MAGI2: variants seen among roughly 807,000 people sequenced by gnomAD.
MAGI2 encodes membrane-associated guanylate kinase, WW and PDZ domain-containing protein 2.
A neutral mutation model predicts 133.3 loss-of-function variants in MAGI2; 35 were observed. The observed-to-expected ratio is 0.26, with a 90% CI of 0.20 to 0.35. The LOEUF is 0.35. MAGI2 is among the 10% of genes least tolerant of loss of function. MAGI2 has a pLI of 1.00. For synonymous variants in MAGI2, 729 were observed against 710.6 expected (o/e 1.03, Z -0.41); for missense variants, 1,636 against 1,863.4 (o/e 0.88, Z 2.25).
Position 78,565,303 on chromosome 7 carries a change from A to T in MAGI2, c.539-43658T>A, listed in dbSNP as rs532649031. Among the ~76,000 whole-genome samples the T allele has an allele frequency of 6.5e-4, 99 of 151,926 alleles. No homozygotes were observed. The East Asian group carries it at 6.6e-3, about 10-fold the overall frequency. ...ATAGCGAGACCCTGTGTCAAAAAAAATTTTTTTAAAAATTAGTGGGGCATG... is the reference window on the plus strand; with the variant it reads ...ATAGCGAGACCCTGTGTCAAAAAAATTTTTTTTAAAAATTAGTGGGGCATG... On this transcript the variant is annotated intron_variant, in intron 3 of 21. Transcript: ENST00000354212.
chr7:78,387,504 AT>A (rs1239589249), intron 6 of MAGI2, among the ~76,000 whole-genome samples: 2 of 152,206 alleles, frequency 1.3e-5, no homozygotes, highest in Non-Finnish European at 2.9e-5. Context: ...TTGACAAAGT[AT>A]TTGTACCCTC....
chr7:79,208,721 G>A (rs963224259), intron 1 of MAGI2, among the ~76,000 whole-genome samples: 1 of 151,890 alleles, frequency 6.6e-6, no homozygotes, highest in African/African-American at 2.4e-5. Flanking sequence ...TGAAGAGATC[G>A]CTGCACTTCC....
At chr7:79,200,211 T>G (rs1828467796) in intron 1 of MAGI2, among the ~76,000 whole-genome samples, 1 of 152,024 alleles carries the variant, frequency 6.6e-6, no homozygotes, top group Non-Finnish European at 1.5e-5. Context: ...ATTCTATGAT[T>G]CATTTGTGGA....
At chr7:78,056,608 C>T (rs1812596533) in intron 21 of MAGI2, among the ~76,000 whole-genome samples, 1 of 152,040 alleles carries the variant, frequency 6.6e-6, no homozygotes, top group African/African-American at 2.4e-5. Context: ...TAAATGGGAG[C>T]TGAATGGTGA....
At chr7:79,238,252 C>T (rs1832085695) in intron 1 of MAGI2, among the ~76,000 whole-genome samples, 1 of 152,096 alleles carries the variant, frequency 6.6e-6, no homozygotes, top group Non-Finnish European at 1.5e-5. Context: ...ATTCTTACTT[C>T]CATTTGTTTC....
chr7:78,083,388 GAGA>G (rs1563098800), intron 20 of MAGI2, among the ~76,000 whole-genome samples: 1 of 9,808 alleles, frequency 1.0e-4, no homozygotes, highest in Non-Finnish European at 2.2e-4. Context: ...GGGAGGGGGG[GAGA>G]GAGAGAGAGA....
At chr7:78,371,480 C>A (rs566215754) in intron 6 of MAGI2, among the ~76,000 whole-genome samples, 1 of 151,912 alleles carries the variant, frequency 6.6e-6, no homozygotes, top group African/African-American at 2.4e-5. Context: ...TGAATACAGC[C>A]CTACTTCTTA....
chr7:78,934,720 T>C (rs1414316831), intron 2 of MAGI2, among the ~76,000 whole-genome samples: 1 of 152,162 alleles, frequency 6.6e-6, no homozygotes, highest in African/African-American at 2.4e-5. Flanking sequence ...TATCTCACTA[T>C]GTGCATGCAA....
chr7:79,136,003 G>GGGAAAGAAAGAAAGAA (rs1554375908), intron 1 of MAGI2, among the ~76,000 whole-genome samples: 3 of 40,890 alleles, frequency 7.3e-5, no homozygotes, highest in Admixed American at 2.9e-4. Flanking sequence ...AAGAAAGAAA[G>GGGAAAGAAAGAAAGAA]AGAAAGAAAG....
chr7:78,290,947 G>A (rs1392677862), intron 9 of MAGI2, among the ~76,000 whole-genome samples: 6 of 152,128 alleles, frequency 3.9e-5, no homozygotes, highest in Admixed American at 3.9e-4. Context: ...GTGTGTAGAG[G>A]GAAATTTATA....
At chr7:78,823,165 A>T in intron 2 of MAGI2, among the ~76,000 whole-genome samples, 1 of 152,212 alleles carries the variant, frequency 6.6e-6, no homozygotes, top group East Asian at 1.9e-4. Flanking sequence ...TATTTTAAAT[A>T]GATAAGTTCG....
At chr7:79,249,105 C>T (rs1441382074) in intron 1 of MAGI2, among the ~76,000 whole-genome samples, 2 of 152,008 alleles carry the variant, frequency 1.3e-5, no homozygotes, top group African/African-American at 4.8e-5. Flanking sequence ...CTCAGGTCAT[C>T]CCAGAGTGCT....
chr7:79,206,946 C>G (rs1829109028), intron 1 of MAGI2, among the ~76,000 whole-genome samples: 1 of 151,840 alleles, frequency 6.6e-6, no homozygotes, highest in African/African-American at 2.4e-5. Flanking sequence ...AACACATAAA[C>G]AGAATGAAAG....
chr7:78,361,942 A>G (rs890943344), intron 7 of MAGI2, among the ~76,000 whole-genome samples: 3 of 152,148 alleles, frequency 2.0e-5, no homozygotes, highest in African/African-American at 7.2e-5. Flanking sequence ...TCTTGCCTGG[A>G]TGGTAGTGGT....
chr7:78,636,106 T>A (rs1809611408), intron 2 of MAGI2, among the ~76,000 whole-genome samples: 1 of 152,220 alleles, frequency 6.6e-6, no homozygotes, highest in African/African-American at 2.4e-5. Flanking sequence ...ATAAATCACT[T>A]ATTAAGTATA....
intron 2 of MAGI2, among the ~76,000 whole-genome samples, chr7:78,636,817 AC>A (rs1563276510): frequency 6.6e-6 from 1 of 151,706 alleles, no homozygotes; most frequent in Non-Finnish European, 1.5e-5. Context: ...AAAAACCAAA[AC>A]CAAACAAACA....
At chr7:78,343,058 A>G (rs1790557107) in intron 9 of MAGI2, among the ~76,000 whole-genome samples, 1 of 152,250 alleles carries the variant, frequency 6.6e-6, no homozygotes, top group Non-Finnish European at 1.5e-5. Context: ...ATTCATATTT[A>G]CAAGTTATGG....
intron 3 of MAGI2, among the ~76,000 whole-genome samples, chr7:78,609,575 G>C (rs144636575): frequency 6.6e-6 from 1 of 152,098 alleles, no homozygotes; most frequent in Admixed American, 6.6e-5. Context: ...TACTCATGAC[G>C]GTTACAGTCC....
At chr7:78,430,238 G>T (rs1029694808) in intron 6 of MAGI2, among the ~76,000 whole-genome samples, 41 of 96,600 alleles carry the variant, frequency 4.2e-4, no homozygotes, top group African/African-American at 1.5e-3. Context: ...TTCTGGAAAA[G>T]CCTTTTTTTT....
Sources: gnomAD v4.1 joint callset for allele counts (sites outside exome capture counted in the v4.1 genomes callset) on GRCh38, gnomAD v4.1.1 for gene constraint, MANE v1.5 for transcripts, NCBI Gene and HGNC (gene_info 2026-07-23, HGNC 2026-07-21) for gene names.